The following CELF2 variants were observed in gnomAD, a reference collection of about 807,000 sequenced individuals.
The protein encoded by CELF2 is CUGBP Elav-like family member 2.
In CELF2, 8 loss-of-function variants were observed where a neutral mutation model predicts 62.6. That is an observed-to-expected ratio of 0.13 (90% CI 0.07 to 0.23). CELF2 has a LOEUF of 0.23. CELF2 is among the 10% of genes least tolerant of loss of function. The probability of loss-of-function intolerance (pLI) is 1.00; values close to 1 mark genes in which losing one functional copy is unlikely to be tolerated. For missense variants in CELF2, 333 were observed against 671.0 expected, an observed-to-expected ratio of 0.50 and a Z score of 5.56; for synonymous variants, 258 against 250.0, an observed-to-expected ratio of 1.03 and a Z score of -0.30.
At position 11,117,667 on chromosome 10, in the gene CELF2, T is replaced by A. The variant is rs2056849634; in HGVS notation, c.75-47819T>A. On this transcript the variant is annotated intron_variant, in intron 1 of 12. Transcript: ENST00000633077. The surrounding 1 kb of genome is among the most constrained non-coding windows in gnomAD (Gnocchi z 4.1). ...CTGACATTAAAATGGAGCAGTGGTC[T>A]CCATTCCAGGTGATGAATGACAAAA... Among the ~76,000 whole-genome samples, 1 of 152,190 alleles carries A rather than the reference T, an allele frequency of 6.6e-6. No homozygotes were observed. The highest frequency in any genetic ancestry group is 6.5e-5 in the Admixed American group (1 of 15,282).
intron 8 of CELF2, among the ~76,000 whole-genome samples, chr10:11,277,524 GCTGCTCA>G (rs2086610512): frequency 6.6e-6 from 1 of 152,224 alleles, no homozygotes; most frequent in Non-Finnish European, 1.5e-5. Context: ...CCCTCTAAGA[GCTGCTCA>G]TGAGTATCCT....
chr10:10,922,734 TAAAC>T (rs1321952772), intron 2 of CELF2: 1 of 152,184 alleles, frequency 6.6e-6, no homozygotes, highest in African/African-American at 2.4e-5. Flanking sequence ...ATGTTGAAAA[TAAAC>T]AACATGCCGA....
At chr10:10,907,678 T>C (rs1200099645) in intron 1 of CELF2, among the ~76,000 whole-genome samples, 1 of 152,030 alleles carries the variant, frequency 6.6e-6, no homozygotes, top group African/African-American at 2.4e-5. Context: ...TTAGTGATTA[T>C]AGAGATGTAA....
intron 7 of CELF2, among the ~76,000 whole-genome samples, chr10:11,273,358 G>A (rs188747404): frequency 3.3e-5 from 5 of 152,264 alleles, no homozygotes; most frequent in South Asian, 2.1e-4. Flanking sequence ...CTAGGAGCAC[G>A]AACCTGGTCT....
chr10:11,190,235 A>G (rs1040262896), intron 2 of CELF2, among the ~76,000 whole-genome samples: 1 of 152,246 alleles, frequency 6.6e-6, no homozygotes, highest in African/African-American at 2.4e-5. Flanking sequence ...GTGCGTACAC[A>G]GTAGGCAATC....
chr10:10,759,313 T>TCC, the CELF2 span, among the ~76,000 whole-genome samples: 1 of 138,848 alleles, frequency 7.2e-6, no homozygotes, highest in East Asian at 2.1e-4. Context: ...TTTTTTTTTT[T>TCC]TTTTTTTTTT....
At position 11,244,483 on chromosome 10, in the gene CELF2, C is replaced by G. The variant is rs2075005038; in HGVS notation, c.355-4670C>G. ...CGTGGCTAACATGGTGAAACCCTGTCTCTGCTAAAAATACAAAGAAAATTA... is the reference window on the plus strand; with the variant it reads ...CGTGGCTAACATGGTGAAACCCTGTGTCTGCTAAAAATACAAAGAAAATTA... On this transcript the variant is annotated intron_variant, in intron 3 of 12. Transcript: ENST00000633077. This position sits in a 1 kb window ranked among gnomAD's most constrained non-coding sequence, Gnocchi z 4.2. Among the ~76,000 whole-genome samples the G allele has an allele frequency of 6.6e-6, 1 of 152,078 alleles. No individual in the cohort carries two copies. Among genetic ancestry groups the G allele is most frequent in the African/African-American group, 2.4e-5 (1 of 41,400 alleles).
chr10:10,958,752 G>C (rs2049163356), intron 2 of CELF2, among the ~76,000 whole-genome samples: 1 of 152,002 alleles, frequency 6.6e-6, no homozygotes, highest in Admixed American at 6.6e-5. Context: ...GCTTAGGTAG[G>C]AGAATAGCTT....
At position 11,243,372 on chromosome 10, in the gene CELF2, A is replaced by G. The variant is rs2074602926; in HGVS notation, c.355-5781A>G. 6.6e-6 allele frequency among the ~76,000 whole-genome samples: 1 copy of G among 152,166 alleles called. No homozygotes were observed. The highest frequency in any genetic ancestry group is 1.5e-5 in the Non-Finnish European group (1 of 68,026). On this transcript the variant is annotated intron_variant, in intron 3 of 12. Transcript: ENST00000633077. This position sits in a 1 kb window ranked among gnomAD's most constrained non-coding sequence, Gnocchi z 4.1. ...CAAAATGTTATTCAAAAAAAAAAAA[A>G]AAAAGCTTCTAAAAATTCATGTACC...
At chr10:10,732,957 C>T in the CELF2 span, among the ~76,000 whole-genome samples, 1 of 152,194 alleles carries the variant, frequency 6.6e-6, no homozygotes, top group Non-Finnish European at 1.5e-5. Flanking sequence ...GGATGAGCCT[C>T]ACTACTAACA....
chr10:11,256,146 C>T (rs1310953686), intron 4 of CELF2, among the ~76,000 whole-genome samples: 2 of 152,236 alleles, frequency 1.3e-5, no homozygotes, highest in Non-Finnish European at 2.9e-5. Flanking sequence ...CGTGCTGGCT[C>T]ATGGAGCAAT....
chr10:10,701,231 A>T, the CELF2 span, among the ~76,000 whole-genome samples: 5 of 152,244 alleles, frequency 3.3e-5, no homozygotes, highest in Admixed American at 2.6e-4. Flanking sequence ...GCAGAGGCTA[A>T]TGCCTTCCCA....
chr10:10,761,683 A>G, the CELF2 span, among the ~76,000 whole-genome samples: 1 of 152,276 alleles, frequency 6.6e-6, no homozygotes, highest in African/African-American at 2.4e-5. Flanking sequence ...GGGCTGGGAC[A>G]TTGGTCTTTT....
chr10:11,259,775 A>G (rs1250558890), intron 5 of CELF2, among the ~76,000 whole-genome samples: 3 of 152,248 alleles, frequency 2.0e-5, no homozygotes, highest in Non-Finnish European at 4.4e-5. Flanking sequence ...TTCATCATAT[A>G]TATGTCCACT....
At chr10:10,679,372 C>T in the CELF2 span, among the ~76,000 whole-genome samples, 3 of 152,244 alleles carry the variant, frequency 2.0e-5, no homozygotes, top group African/African-American at 7.2e-5. Context: ...TCACTGCAAC[C>T]TCCACCTCCT....
At chr10:10,748,538 G>A in the CELF2 span, among the ~76,000 whole-genome samples, 2 of 151,876 alleles carry the variant, frequency 1.3e-5, no homozygotes, top group Non-Finnish European at 2.9e-5. Flanking sequence ...CACGAGGTCA[G>A]GAGATCGAGA....
Position 11,092,121 on chromosome 10 carries a change from A to G in CELF2, c.75-73365A>G, listed in dbSNP as rs555461794. Among the ~76,000 whole-genome samples the G allele has an allele frequency of 2.6e-5, 4 of 152,302 alleles. No individual in the cohort carries two copies. The East Asian group carries it at 7.7e-4, about 29-fold the overall frequency. On this transcript the variant is annotated intron_variant, in intron 1 of 12. Transcript: ENST00000633077. ...ATAGATCCTTCTTCTGAGAGAATGA[A>G]ATAATCCCCATACAGGCCTCTGAAG... is the stretch of plus-strand genomic sequence containing the variant.
At chr10:10,726,929 T>C in the CELF2 span, among the ~76,000 whole-genome samples, 4 of 152,174 alleles carry the variant, frequency 2.6e-5, no homozygotes, top group African/African-American at 9.7e-5. Context: ...TCGGGAAATT[T>C]TGACTCATGG....
intron 1 of CELF2, among the ~76,000 whole-genome samples, chr10:10,874,165 G>A (rs1348900012): frequency 1.3e-5 from 2 of 152,052 alleles, no homozygotes; most frequent in Admixed American, 6.6e-5. Context: ...AAATGTTTTT[G>A]TAAATTAGCC....
Sources: gnomAD v4.1 joint callset for allele counts (sites outside exome capture counted in the v4.1 genomes callset) on GRCh38, gnomAD v4.1.1 for gene constraint, Gnocchi (gnomAD v3.1) non-coding constraint, MANE v1.5 for transcripts, NCBI Gene and HGNC (gene_info 2026-07-23, HGNC 2026-07-21) for gene names.